The following PCDH9 variants were observed in gnomAD, a reference collection of about 807,000 sequenced individuals.
The protein encoded by PCDH9 is protocadherin 9.
A neutral mutation model predicts 70.6 loss-of-function variants in PCDH9; 24 were observed. The observed-to-expected ratio is 0.34, with a 90% CI of 0.25 to 0.48. The LOEUF is 0.48. Ranked by LOEUF, PCDH9 falls within the 20% of genes least tolerant of loss-of-function variation. PCDH9 has a pLI of 0.99. For synonymous variants in PCDH9, 562 were observed against 558.5 expected (o/e 1.01, Z -0.09); for missense variants, 1,281 against 1,503.6 (o/e 0.85, Z 2.45).
intron 3 of PCDH9, among the ~76,000 whole-genome samples, chr13:66,800,514 C>T (rs1015309840): frequency 1.3e-5 from 2 of 152,114 alleles, no homozygotes; most frequent in African/African-American, 4.8e-5. Context: ...GACCACAAGG[C>T]TTTGTCCGTC....
At chr13:66,570,952 G>A (rs1474850379) in intron 4 of PCDH9, among the ~76,000 whole-genome samples, 1 of 151,552 alleles carries the variant, frequency 6.6e-6, no homozygotes, top group Admixed American at 6.6e-5. Context: ...GGAGGAGGGA[G>A]GTGAAATAGA....
chr13:67,042,470 A>C (rs1432643002), intron 2 of PCDH9, among the ~76,000 whole-genome samples: 1 of 152,214 alleles, frequency 6.6e-6, no homozygotes, highest in East Asian at 1.9e-4. Context: ...ATATAAAACT[A>C]GAAATCAAGA....
At chr13:66,346,699 G>A (rs1956217724) in intron 4 of PCDH9, among the ~76,000 whole-genome samples, 1 of 152,128 alleles carries the variant, frequency 6.6e-6, no homozygotes, top group Non-Finnish European at 1.5e-5. Flanking sequence ...TCTCTTCTGT[G>A]ATGAGATAGA....
chr13:66,993,102 GAAACAGAAGTATT>G (rs952538343), intron 2 of PCDH9, among the ~76,000 whole-genome samples: 3 of 152,122 alleles, frequency 2.0e-5, no homozygotes, highest in Non-Finnish European at 4.4e-5. Context: ...CTCGTCTCAT[GAAACAGAAGTATT>G]GCTAACACTA....
chr13:66,729,699 C>T (rs2079048097), intron 3 of PCDH9, among the ~76,000 whole-genome samples: 1 of 152,142 alleles, frequency 6.6e-6, no homozygotes, highest in African/African-American at 2.4e-5. Context: ...TGTGAGAAAA[C>T]TCTTTTGACC....
Position 66,687,913 on chromosome 13 carries a change from A to C in PCDH9, c.3139-56502T>G, listed in dbSNP as rs141747116. Among the ~76,000 whole-genome samples the C allele has an allele frequency of 7.6e-4, 115 of 152,214 alleles. 1 individual carries two copies. The highest frequency in any genetic ancestry group is 2.7e-3 in the African/African-American group (111 of 41,562). ...TAGTTCTTAGAGGATGAAATTCAAA[A>C]GTTTTTCTTTTGACTTCAAAGTTTA... On this transcript the variant is annotated intron_variant, in intron 3 of 4. Coordinates refer to ENST00000377865, the MANE Select transcript of PCDH9 (RefSeq NM_203487.3).
intron 2 of PCDH9, among the ~76,000 whole-genome samples, chr13:66,930,638 T>C (rs1248745812): frequency 6.6e-6 from 1 of 152,142 alleles, no homozygotes; most frequent in African/African-American, 2.4e-5. Context: ...ATCATGGTCA[T>C]TAATTCCTTT....
intron 3 of PCDH9, among the ~76,000 whole-genome samples, chr13:66,684,226 C>A (rs976945923): frequency 4.6e-5 from 7 of 152,134 alleles, no homozygotes; most frequent in Non-Finnish European, 7.4e-5. Flanking sequence ...ATTAAGAGAA[C>A]TGTATTTAAC....
chr13:67,211,441 A>G lies in PCDH9; in HGVS notation c.3036+13964T>C, dbSNP rs1183452211. The G allele has an allele frequency of 3.4e-4, 52 of 152,064 alleles. 1 individual carries two copies. The highest frequency in any genetic ancestry group is 2.9e-5 in the Non-Finnish European group (2 of 67,924). The allele number at this position is 152,064 out of a possible 1,614,324, so 9.4% of individuals were successfully genotyped here. ...ATGTTTGTACAAGAATGTGCAGGTG[A>G]GGCATTATATGCATTATTTTTTAAA... On this transcript the variant is annotated intron_variant, in intron 2 of 4. Coordinates refer to ENST00000377865, the MANE Select transcript of PCDH9 (RefSeq NM_203487.3).
intron 2 of PCDH9, among the ~76,000 whole-genome samples, chr13:67,140,640 C>T (rs373114313): frequency 1.4e-4 from 22 of 152,182 alleles, no homozygotes; most frequent in East Asian, 1.3e-3. Flanking sequence ...GGGATGGAAC[C>T]TATACCTGGT....
chr13:67,148,585 T>G (rs1372937697), intron 2 of PCDH9, among the ~76,000 whole-genome samples: 1 of 152,206 alleles, frequency 6.6e-6, no homozygotes, highest in Non-Finnish European at 1.5e-5. Context: ...TTTTTTTAAT[T>G]ACCACTTTTC....
chr13:67,163,224 T>A lies in PCDH9; in HGVS notation c.3036+62181A>T, dbSNP rs140289314. Reference sequence around the variant, plus strand: ...AATAAAAATGTGTAAGTAAAGACTCTTGTTCCCAATTAAAATTGCATACAT... The same window carrying A: ...AATAAAAATGTGTAAGTAAAGACTCATGTTCCCAATTAAAATTGCATACAT... On this transcript the variant is annotated intron_variant, in intron 2 of 4. Coordinates refer to ENST00000377865, the MANE Select transcript of PCDH9 (RefSeq NM_203487.3). 1.0e-3 allele frequency among the ~76,000 whole-genome samples: 152 copies of A among 152,312 alleles called. 1 individual carries two copies. Among genetic ancestry groups the A allele is most frequent in the African/African-American group, 3.5e-3 (145 of 41,574 alleles).
chr13:66,921,591 T>C (rs1278726768), intron 2 of PCDH9, among the ~76,000 whole-genome samples: 3 of 151,330 alleles, frequency 2.0e-5, no homozygotes, highest in Admixed American at 6.6e-5. Flanking sequence ...CACACACACA[T>C]ATGTCATGAA....
chr13:67,003,863 T>C (rs1032206965), intron 2 of PCDH9, among the ~76,000 whole-genome samples: 3 of 152,190 alleles, frequency 2.0e-5, no homozygotes, highest in South Asian at 2.1e-4. Context: ...TTTTAAAAAA[T>C]AGTCTCCTTA....
At chr13:66,649,633 T>C (rs1459043502) in intron 3 of PCDH9, among the ~76,000 whole-genome samples, 1 of 152,040 alleles carries the variant, frequency 6.6e-6, no homozygotes, top group Non-Finnish European at 1.5e-5. Context: ...CAAAACTTAC[T>C]GGTAATAGTA....
chr13:67,131,040 A>C (rs1297910328), intron 2 of PCDH9, among the ~76,000 whole-genome samples: 1 of 152,186 alleles, frequency 6.6e-6, no homozygotes, highest in Admixed American at 6.6e-5. Context: ...ATTAGAAGAG[A>C]AATGTGCTGG....
At chr13:66,563,066 G>T (rs2076600115) in intron 4 of PCDH9, among the ~76,000 whole-genome samples, 1 of 151,978 alleles carries the variant, frequency 6.6e-6, no homozygotes, top group African/African-American at 2.4e-5. Flanking sequence ...AACATTCATG[G>T]GTTTTGCTGG....
rs1003539741 is a variant in PCDH9, at chr13:67,228,523, C to A, written c.-83G>T. 3 of 1,150,218 alleles carry A rather than the reference C, an allele frequency of 2.6e-6. No individual in the cohort carries two copies. The highest frequency in any genetic ancestry group is 5.0e-5 in the East Asian group (2 of 40,160). 71.3% of individuals were successfully genotyped at this position (1,150,218 alleles called of 1,614,324 possible). A position where few individuals can be genotyped will look rare whatever the true frequency, so the allele number is the denominator to read the frequency against. On this transcript the variant is annotated 5_prime_UTR_variant, in exon 2 of 5. Transcript: ENST00000377865. The stretch of plus-strand genomic sequence containing the variant: ...ATGATGCACAAATTGCAAGAGGAAG[C>A]GTGCATGGACTGGAGGATGCATTAT...
intron 4 of PCDH9, among the ~76,000 whole-genome samples, chr13:66,481,210 G>A (rs1307105083): frequency 6.6e-6 from 1 of 151,596 alleles, no homozygotes; most frequent in African/African-American, 2.4e-5. Flanking sequence ...TGCAAATGAC[G>A]GGTTGATGGA....
Sources: gnomAD v4.1 joint callset for allele counts (sites outside exome capture counted in the v4.1 genomes callset) on GRCh38, gnomAD v4.1.1 for gene constraint, MANE v1.5 for transcripts, NCBI Gene and HGNC (gene_info 2026-07-23, HGNC 2026-07-21) for gene names.